Variants in SNX13 observed in about 807,000 individuals in gnomAD.
SNX13 encodes sorting nexin 13, also known as sorting nexin-13.
Under a neutral mutation model 133.6 loss-of-function variants are expected in SNX13, and 45 were observed. That is an observed-to-expected ratio of 0.34 (90% CI 0.27 to 0.43). The LOEUF (loss-of-function observed/expected upper bound fraction) is 0.43, where lower values mean the gene tolerates loss of function less well. Among genes scored for constraint, SNX13 ranks in the 20% least tolerant of loss-of-function variants. SNX13 has a pLI of 1.00. For synonymous variants in SNX13, 414 were observed against 373.9 expected (o/e 1.11, Z -1.24); for missense variants, 1,032 against 1,145.1 (o/e 0.90, Z 1.43).
chr7:17,842,868 T>C (rs1307156935), intron 12 of SNX13, among the ~76,000 whole-genome samples: 1 of 152,018 alleles, frequency 6.6e-6, no homozygotes, highest in Non-Finnish European at 1.5e-5. Context: ...TAATTTCAAA[T>C]TACAGTGTTA....
At chr7:17,865,343 A>G (rs1234475998) in intron 9 of SNX13, among the ~76,000 whole-genome samples, 1 of 152,218 alleles carries the variant, frequency 6.6e-6, no homozygotes, top group Non-Finnish European at 1.5e-5. Context: ...TAGTGTTTCT[A>G]TGTGAACAAT....
intron 1 of SNX13, among the ~76,000 whole-genome samples, chr7:17,924,568 G>C (rs929193787): frequency 6.6e-6 from 1 of 152,088 alleles, no homozygotes; most frequent in African/African-American, 2.4e-5. Context: ...TTTCTCAAAA[G>C]GTTAAAGAAT....
At chr7:17,885,811 G>A (rs1261331567) in intron 5 of SNX13, among the ~76,000 whole-genome samples, 2 of 152,132 alleles carry the variant, frequency 1.3e-5, no homozygotes, top group Non-Finnish European at 2.9e-5. Context: ...CTAGGTGACA[G>A]AACAAGAGTC....
chr7:17,802,140 C>G (rs1402108116), intron 21 of SNX13, among the ~76,000 whole-genome samples: 1 of 151,894 alleles, frequency 6.6e-6, no homozygotes, highest in Non-Finnish European at 1.5e-5. Context: ...GGTTAGTAGC[C>G]TAGGAGCAAT....
chr7:17,863,299 T>C (rs1792961024), intron 9 of SNX13, among the ~76,000 whole-genome samples: 2 of 152,234 alleles, frequency 1.3e-5, no homozygotes, highest in African/African-American at 4.8e-5. Flanking sequence ...CATACACTCT[T>C]CTCAGCGGTC....
In SNX13 at chr7:17,824,752, T is replaced by C. The variant is rs1050681728; in HGVS notation, c.1705+1270A>G. On this transcript the variant is annotated intron_variant, in intron 17 of 25. Coordinates refer to ENST00000428135, the MANE Select transcript of SNX13 (RefSeq NM_015132.5). ...GTATGCTGCTTCTTCAGTATTTACA[T>C]ATGTTTGTCAGGAAGAAATAACTTT... is the stretch of plus-strand genomic sequence containing the variant. Among the ~76,000 whole-genome samples, 4 of 150,826 alleles carry C rather than the reference T, an allele frequency of 2.7e-5. No homozygotes were observed. The South Asian group carries it at 8.4e-4, about 32-fold the overall frequency.
At chr7:17,828,539 G>T (rs184293524) in intron 16 of SNX13, among the ~76,000 whole-genome samples, 275 of 151,682 alleles carry the variant, frequency 1.8e-3, no homozygotes, top group African/African-American at 6.3e-3. Context: ...TATCTCCTTT[G>T]TTTAGTACAT....
intron 1 of SNX13, chr7:17,907,429 G>C (rs912276267): frequency 1.6e-4 from 24 of 152,154 alleles, no homozygotes; most frequent in Non-Finnish European, 1.8e-4. Flanking sequence ...GATTGAGAAA[G>C]GGATCAGAAA....
chr7:17,904,818 G>C (rs748471218), intron 1 of SNX13, among the ~76,000 whole-genome samples: 5 of 152,258 alleles, frequency 3.3e-5, no homozygotes, highest in Middle Eastern at 3.4e-3. Flanking sequence ...TTCCTCCCAC[G>C]TTATTCTATG....
At chr7:17,834,591 G>A (rs536477480) in intron 14 of SNX13, among the ~76,000 whole-genome samples, 170 bp downstream of exon 14, 16 of 151,814 alleles carry the variant, frequency 1.1e-4, no homozygotes, top group South Asian at 1.0e-3. Context: ...GAAAATTAAC[G>A]AAATAAACAA....
intron 5 of SNX13, among the ~76,000 whole-genome samples, chr7:17,878,093 T>C (rs1794929876): frequency 6.6e-6 from 1 of 152,154 alleles, no homozygotes; most frequent in Non-Finnish European, 1.5e-5. Context: ...GTAAGAAATA[T>C]TTCATTTATG....
At chr7:17,820,068 C>A (rs2723545) in intron 18 of SNX13, among the ~76,000 whole-genome samples, 90,886 of 151,996 alleles carry the variant, frequency 0.6, 28,382 homozygotes, top group African/African-American at 0.77. Context: ...AAGTTTTCTT[C>A]AAAAGTATGT....
chr7:17,830,418 A>G, intron 15 of SNX13: 1 of 984,452 alleles, frequency 1.0e-6, no homozygotes. Flanking sequence ...CACCAGCACT[A>G]TTTTGTAACT....
At chr7:17,886,352 A>G (rs2714875) in intron 5 of SNX13, among the ~76,000 whole-genome samples, 93,666 of 151,676 alleles carry the variant, frequency 0.62, 30,326 homozygotes, top group African/African-American at 0.81. Context: ...GGCGGATCAC[A>G]AGGTCAGGAG....
intron 12 of SNX13, among the ~76,000 whole-genome samples, chr7:17,845,376 T>A (rs1391974060): frequency 6.6e-6 from 1 of 151,810 alleles, no homozygotes; most frequent in Non-Finnish European, 1.5e-5. Context: ...GGGTTGAGAG[T>A]GTGAGGAATG....
intron 1 of SNX13, chr7:17,899,950 G>C (rs1272690517): frequency 6.6e-6 from 1 of 152,106 alleles, no homozygotes; most frequent in Non-Finnish European, 1.5e-5. Context: ...TCCTTCTTGG[G>C]AAGGCTTTCC....
chr7:17,830,172 A>AG (rs1448101967), intron 15 of SNX13, 125 bp from the exon 16 acceptor site: 15 of 1,143,266 alleles, frequency 1.3e-5, no homozygotes, highest in Non-Finnish European at 1.6e-5. Flanking sequence ...AAAAAAAAAA[A>AG]AAAAAAAAAA....
intron 1 of SNX13, among the ~76,000 whole-genome samples, chr7:17,925,221 A>T (rs75108368): frequency 0.011 from 1,628 of 152,334 alleles, 36 homozygotes; most frequent in African/African-American, 0.037. Flanking sequence ...CTCAAAAAAA[A>T]TAGGCAAAAC....
At chr7:17,794,562 C>G (rs2128281282) in intron 25 of SNX13, 1 of 329,990 alleles carries the variant, frequency 3.0e-6, no homozygotes, top group East Asian at 5.4e-5. Flanking sequence ...AGATCCCAAA[C>G]TATGATTACA....
Sources: allele counts gnomAD v4.1 joint callset (sites outside exome capture counted in the v4.1 genomes callset), GRCh38; gene constraint gnomAD v4.1.1; transcripts MANE v1.5; gene names NCBI Gene and HGNC (gene_info 2026-07-23, HGNC 2026-07-21).